The following FSTL5 variants were observed in gnomAD, a reference collection of about 807,000 sequenced individuals.
FSTL5 encodes follistatin-related protein 5.
In FSTL5, 62 loss-of-function variants were observed where a neutral mutation model predicts 89.1. The ratio of observed to expected loss-of-function variants is 0.70; its 90% CI spans 0.57 to 0.86. FSTL5 has a LOEUF of 0.86. Among genes scored for constraint, FSTL5 ranks in the 40% least tolerant of loss-of-function variants. The pLI is 0.00. For synonymous variants in FSTL5, 383 were observed against 346.2 expected (o/e 1.11, Z -1.18); for missense variants, 1,057 against 1,001.6 (o/e 1.06, Z -0.75).
intron 3 of FSTL5, among the ~76,000 whole-genome samples, chr4:161,950,279 A>C (rs1373512282): frequency 6.6e-6 from 1 of 152,118 alleles, no homozygotes; most frequent in East Asian, 1.9e-4. Flanking sequence ...TGGGAGACTT[A>C]ACTCTTACCT....
chr4:161,793,952 C>T (rs1290108748), intron 4 of FSTL5, among the ~76,000 whole-genome samples: 1 of 152,070 alleles, frequency 6.6e-6, no homozygotes, highest in Admixed American at 6.6e-5. Context: ...TATTACATTA[C>T]TTGGTATATA....
chr4:161,996,102 G>T (rs1736286914), intron 3 of FSTL5, among the ~76,000 whole-genome samples: 1 of 152,146 alleles, frequency 6.6e-6, no homozygotes, highest in Non-Finnish European at 1.5e-5. Flanking sequence ...TTTGTTAATG[G>T]ATTCAATCTG....
chr4:161,999,155 C>T (rs918384562), intron 3 of FSTL5, among the ~76,000 whole-genome samples: 2 of 152,082 alleles, frequency 1.3e-5, no homozygotes, highest in Non-Finnish European at 2.9e-5. Flanking sequence ...TTAAAAAATA[C>T]ATTAATTTTT....
chr4:161,481,338 T>C (rs1729497119), intron 12 of FSTL5, among the ~76,000 whole-genome samples, 169 bp from the exon 13 acceptor site: 1 of 152,156 alleles, frequency 6.6e-6, no homozygotes, highest in Admixed American at 6.5e-5. Flanking sequence ...ATTAAATATG[T>C]ATAGAAAGCA....
At chr4:161,947,673 A>C (rs1033311444) in intron 3 of FSTL5, among the ~76,000 whole-genome samples, 8 of 151,372 alleles carry the variant, frequency 5.3e-5, no homozygotes, top group African/African-American at 2.0e-4. Context: ...TTATTTCTTC[A>C]TTATATGTTT....
At position 161,695,451 on chromosome 4, in the gene FSTL5, GTGTA is replaced by G. The variant is rs1432610738; in HGVS notation, c.728-38961_728-38958del. On this transcript the variant is annotated intron_variant, in intron 6 of 15. Coordinates refer to ENST00000306100, the MANE Select transcript of FSTL5 (RefSeq NM_020116.5). The stretch of plus-strand genomic sequence containing the variant: ...TGTGTGTGTGTGTGTGTGTGTGTGT[GTGTA>G]TATATATCACATATAGACATATATC... Among the ~76,000 whole-genome samples, 616 of 126,980 alleles carry G rather than the reference GTGTA, an allele frequency of 4.9e-3. 6 individuals carry two copies. Among genetic ancestry groups the G allele is most frequent in the African/African-American group, 0.016 (523 of 32,324 alleles). 83.3% of individuals were successfully genotyped at this position (126,980 alleles called of 152,430 possible).
intron 8 of FSTL5, among the ~76,000 whole-genome samples, chr4:161,543,920 TG>T (rs1731918036): frequency 6.6e-6 from 1 of 151,992 alleles, no homozygotes; most frequent in African/African-American, 2.4e-5. Context: ...GATTTTGTAG[TG>T]CATCAAATGA....
intron 15 of FSTL5, among the ~76,000 whole-genome samples, chr4:161,449,106 T>C: frequency 6.6e-6 from 1 of 152,194 alleles, no homozygotes; most frequent in African/African-American, 2.4e-5. Context: ...TTTATATAAA[T>C]GCCTGTTGCT....
chr4:161,494,830 G>T (rs1730007594), intron 12 of FSTL5, among the ~76,000 whole-genome samples: 1 of 152,038 alleles, frequency 6.6e-6, no homozygotes, highest in African/African-American at 2.4e-5. Context: ...GAGGTTAAGT[G>T]AGGAGAATCT....
At chr4:162,025,987 C>A in intron 3 of FSTL5, among the ~76,000 whole-genome samples, 2 of 149,904 alleles carry the variant, frequency 1.3e-5, no homozygotes. Flanking sequence ...CTAAAAAATC[C>A]AAGCAAATAT....
chr4:161,690,847 T>C (rs1434107832), intron 6 of FSTL5, among the ~76,000 whole-genome samples: 2 of 152,090 alleles, frequency 1.3e-5, no homozygotes, highest in African/African-American at 4.8e-5. Flanking sequence ...TTATTCCTTC[T>C]ATGTTTCCAT....
intron 3 of FSTL5, among the ~76,000 whole-genome samples, chr4:161,947,222 T>C (rs1734761308): frequency 6.6e-6 from 1 of 151,322 alleles, no homozygotes; most frequent in Non-Finnish European, 1.5e-5. Context: ...CAATAGAGCA[T>C]TTTGATGAGC....
intron 1 of FSTL5, among the ~76,000 whole-genome samples, chr4:162,146,029 A>T (rs1331537132): frequency 6.6e-6 from 1 of 152,186 alleles, no homozygotes; most frequent in Non-Finnish European, 1.5e-5. Flanking sequence ...GTTTCATAAT[A>T]ATAGTTAAGA....
At chr4:161,548,714 T>C (rs1732091292) in intron 8 of FSTL5, among the ~76,000 whole-genome samples, 1 of 151,746 alleles carries the variant, frequency 6.6e-6, no homozygotes, top group Non-Finnish European at 1.5e-5. Flanking sequence ...TATCTACAAG[T>C]GCCAGGCATT....
At chr4:162,045,768 A>G (rs1415079906) in intron 2 of FSTL5, among the ~76,000 whole-genome samples, 1 of 152,190 alleles carries the variant, frequency 6.6e-6, no homozygotes, top group South Asian at 2.1e-4. Flanking sequence ...CTTGTTGCTA[A>G]TAGGCCACTT....
intron 2 of FSTL5, among the ~76,000 whole-genome samples, chr4:162,045,658 G>T (rs750719729): frequency 6.6e-6 from 1 of 152,100 alleles, no homozygotes; most frequent in South Asian, 2.1e-4. Flanking sequence ...AAATGACACC[G>T]ACAGACTTGC....
At chr4:161,518,756 G>C (rs920733037) in intron 10 of FSTL5, among the ~76,000 whole-genome samples, 1 of 152,150 alleles carries the variant, frequency 6.6e-6, no homozygotes, top group African/African-American at 2.4e-5. Flanking sequence ...AGTAGGCAGT[G>C]GTTATGTCAT....
In FSTL5 at chr4:162,033,628, T is replaced by G. The variant is rs1280865244; in HGVS notation, c.157A>C (p.Lys53Gln). 6.7e-7 allele frequency: 1 copy of G among 1,490,064 alleles called. No homozygotes were observed. Among genetic ancestry groups the G allele is most frequent in the Non-Finnish European group, 9.2e-7 (1 of 1,087,084 alleles). The allele number at this position is 1,490,064 out of a possible 1,614,324, so 92.3% of individuals were successfully genotyped here. Residue 53 changes from lysine (K) to glutamine (Q), a missense_variant, in exon 3 of 16, where the codon AAA becomes CAA. By Grantham distance (53) the Lys-to-Gln change is moderately conservative. Around this residue, in one of 3 missense-constraint regions of FSTL5, gnomAD observed 980 missense variants for 903.2 expected, o/e 1.08. Coordinates refer to ENST00000306100, the MANE Select transcript of FSTL5 (RefSeq NM_020116.5). ...QEKNQESSRV[K>Q]GFMIQDGPFG... The stretch of plus-strand genomic sequence containing the variant: ...TCTTAAAGCAATCATTTCTTACCTT[T>G]GACTCTTGAACTTTCTTGATTTTTT...
At chr4:161,391,920 T>C (rs1403837447) in intron 15 of FSTL5, among the ~76,000 whole-genome samples, 1 of 152,204 alleles carries the variant, frequency 6.6e-6, no homozygotes, top group Non-Finnish European at 1.5e-5. Flanking sequence ...AATAAGTACA[T>C]CATAGAAATT....
Sources: gnomAD v4.1 joint callset for allele counts (sites outside exome capture counted in the v4.1 genomes callset) on GRCh38, gnomAD v4.1.1 for gene constraint, gnomAD v4.1.1 regional missense constraint, MANE v1.5 for transcripts, NCBI Gene and HGNC (gene_info 2026-07-23, HGNC 2026-07-21) for gene names.